The following HK1 variants were observed in gnomAD, a reference collection of about 807,000 sequenced individuals.
HK1 encodes hexokinase 1, also known as hexokinase-1.
A neutral mutation model predicts 91.6 loss-of-function variants in HK1; 28 were observed. The ratio of observed to expected loss-of-function variants is 0.31; its 90% CI spans 0.23 to 0.42. HK1 has a LOEUF of 0.42. HK1 is among the 10% of genes least tolerant of loss of function. The pLI is 1.00. For synonymous variants in HK1, 430 were observed against 468.1 expected (o/e 0.92, Z 1.05); for missense variants, 770 against 1,219.8 (o/e 0.63, Z 5.49).
At chr10:69,374,163 A>C (rs1277551059) in intron 7 of HK1, among the ~76,000 whole-genome samples, 4 of 152,052 alleles carry the variant, frequency 2.6e-5, no homozygotes, top group African/African-American at 7.2e-5. Flanking sequence ...GCTCCATGGA[A>C]TCTCTCGGCA....
intron 4 of HK1, among the ~76,000 whole-genome samples, chr10:69,367,884 TG>T (rs1454036696): frequency 1.3e-5 from 2 of 152,210 alleles, no homozygotes; most frequent in South Asian, 2.1e-4. Flanking sequence ...AATTATAGAA[TG>T]TTTACCATTG....
At position 69,389,265 on chromosome 10, in the gene HK1, G is replaced by A. The variant is rs1839786415; in HGVS notation, c.2004G>A (p.Glu668=). The change falls in exon 14 of 18, where the codon GAG becomes GAA. Residue 668 remains glutamate, a synonymous_variant. Transcript: ENST00000359426. ...TVGTMMTCAY[E]EPTCEVGLIV... ...GCACCATGATGACCTGTGCTTATGA[G>A]GAGCCCACCTGTGAGGTTGGACTCA... The A allele has an allele frequency of 1.2e-6, 2 of 1,613,052 alleles. No homozygotes were observed. Among genetic ancestry groups the A allele is most frequent in the Non-Finnish European group, 1.7e-6 (2 of 1,179,432 alleles).
intron 1 of HK1, among the ~76,000 whole-genome samples, chr10:69,329,007 A>G (rs372023820): frequency 1.3e-5 from 2 of 152,112 alleles, no homozygotes; most frequent in African/African-American, 4.8e-5. Flanking sequence ...TTATTGCTGA[A>G]TGCTATTCCA....
chr10:69,311,859 A>G (rs1270802189), upstream of HK1, among the ~76,000 whole-genome samples: 1 of 151,734 alleles, frequency 6.6e-6, no homozygotes, highest in Non-Finnish European at 1.5e-5. Context: ...CTGGTCTAGA[A>G]CTCCTGACCT....
chr10:69,351,742 G>A (rs529251457), intron 2 of HK1, among the ~76,000 whole-genome samples: 1 of 152,274 alleles, frequency 6.6e-6, no homozygotes, highest in African/African-American at 2.4e-5. Flanking sequence ...CTTACTGGTT[G>A]TGCGTTTGGG....
intron 15 of HK1, among the ~76,000 whole-genome samples, chr10:69,393,914 T>C (rs2132947980): frequency 6.6e-6 from 1 of 152,164 alleles, no homozygotes; most frequent in Admixed American, 6.5e-5. Context: ...ACAACAATAA[T>C]AGTAAGACCC....
chr10:69,293,855 C>CTTT (rs34434447), intron 3 of HK1, among the ~76,000 whole-genome samples: 67 of 98,936 alleles, frequency 6.8e-4, no homozygotes, highest in Non-Finnish European at 7.2e-4. Context: ...ATATTTCTTT[C>CTTT]TTTTTTTTTT....
At chr10:69,332,775 G>C (rs758007465) in intron 1 of HK1, among the ~76,000 whole-genome samples, 2 of 152,128 alleles carry the variant, frequency 1.3e-5, no homozygotes, top group Non-Finnish European at 2.9e-5. Context: ...TACTTGGAAA[G>C]TGTACACAAC....
At chr10:69,387,743 A>G (rs1197938992) in intron 13 of HK1, among the ~76,000 whole-genome samples, 2 of 151,928 alleles carry the variant, frequency 1.3e-5, no homozygotes, top group Non-Finnish European at 2.9e-5. Context: ...GTAAAGCCCA[A>G]CTTTGTTAGA....
chr10:69,372,494 CCT>C (rs1850057632), intron 7 of HK1, among the ~76,000 whole-genome samples: 1 of 152,146 alleles, frequency 6.6e-6, no homozygotes, highest in South Asian at 2.1e-4. Flanking sequence ...GCCATTTTAC[CCT>C]CTTTGTGGCA....
intron 1 of HK1, among the ~76,000 whole-genome samples, chr10:69,271,780 C>T (rs1844183090): frequency 6.6e-6 from 1 of 152,000 alleles, no homozygotes; most frequent in Non-Finnish European, 1.5e-5. Flanking sequence ...CCCGGCCTGA[C>T]AATTTTGAAG....
chr10:69,389,489 T>C, intron 14 of HK1, 193 bp downstream of exon 14: 1 of 599,804 alleles, frequency 1.7e-6, no homozygotes, highest in Non-Finnish European at 3.1e-6. Context: ...TGGGGGGGCC[T>C]TTCTTAAGAC....
chr10:69,334,969 G>A (rs1177378167), intron 1 of HK1, among the ~76,000 whole-genome samples: 1 of 152,132 alleles, frequency 6.6e-6, no homozygotes, highest in Non-Finnish European at 1.5e-5. Flanking sequence ...GCTGGGGACG[G>A]AGAGGCCCAG....
intron 2 of HK1, among the ~76,000 whole-genome samples, chr10:69,347,685 T>G (rs1848638847): frequency 2.0e-5 from 3 of 151,682 alleles, no homozygotes; most frequent in Admixed American, 6.6e-5. Flanking sequence ...CTGCCCGCCT[T>G]GGCCCCTCAA....
intron 2 of HK1, among the ~76,000 whole-genome samples, chr10:69,358,170 T>C (rs1005502870): frequency 1.3e-5 from 2 of 152,130 alleles, no homozygotes; most frequent in African/African-American, 4.8e-5. Flanking sequence ...GTGGTAGATA[T>C]TAGGACAGTG....
At chr10:69,368,461 T>G in intron 4 of HK1, 75 bp from the exon 5 acceptor site, 1 of 1,302,084 alleles carries the variant, frequency 7.7e-7, no homozygotes, top group East Asian at 2.3e-5. Context: ...ATCCCTGTCC[T>G]GGAGCAATGC....
upstream of HK1, among the ~76,000 whole-genome samples, chr10:69,316,278 G>A (rs777659196): frequency 3.3e-5 from 5 of 152,222 alleles, no homozygotes; most frequent in African/African-American, 4.8e-5. Flanking sequence ...GCTCTCTCAG[G>A]AAGGAGAGGG....
At chr10:69,320,668 T>C (rs968634678) in intron 1 of HK1, among the ~76,000 whole-genome samples, 4 of 152,052 alleles carry the variant, frequency 2.6e-5, no homozygotes, top group African/African-American at 4.8e-5. Context: ...CCTTTATAGC[T>C]CAAGACAGTG....
intron 15 of HK1, among the ~76,000 whole-genome samples, chr10:69,393,726 C>T (rs1785026361): frequency 6.6e-6 from 1 of 152,184 alleles, no homozygotes; most frequent in African/African-American, 2.4e-5. Context: ...CTGATGCTGT[C>T]GCCTACCAAA....
Sources: gnomAD v4.1 joint callset for allele counts (sites outside exome capture counted in the v4.1 genomes callset) on GRCh38, gnomAD v4.1.1 for gene constraint, MANE v1.5 for transcripts, NCBI Gene and HGNC (gene_info 2026-07-23, HGNC 2026-07-21) for gene names.